Variants in LIN7A observed in about 807,000 individuals in gnomAD.
LIN7A encodes lin-7 cell polarity scaffold A, also known as protein lin-7 homolog A.
LIN7A carries 25 observed loss-of-function variants against 29.8 expected under a neutral mutation model. The ratio of observed to expected loss-of-function variants is 0.84; its 90% CI spans 0.61 to 1.17. The LOEUF is 1.17. Ranked by LOEUF, LIN7A falls within the 50% of genes most tolerant of loss-of-function variation. LIN7A has a pLI of 0.00. For synonymous variants in LIN7A, 118 were observed against 107.5 expected (o/e 1.10, Z -0.60); for missense variants, 239 against 287.0 (o/e 0.83, Z 1.21).
intron 1 of LIN7A, among the ~76,000 whole-genome samples, chr12:80,914,325 C>A: frequency 6.6e-6 from 1 of 152,280 alleles, no homozygotes; most frequent in African/African-American, 2.4e-5. Context: ...TTTTGTTTAA[C>A]CCAGTGTTTG....
chr12:80,928,973 G>T (rs952252799), intron 1 of LIN7A, among the ~76,000 whole-genome samples: 1 of 152,040 alleles, frequency 6.6e-6, no homozygotes, highest in African/African-American at 2.4e-5. Context: ...CCCTGCTAGG[G>T]TATGCTGTAT....
chr12:80,902,221 T>TG (rs1288954958), intron 1 of LIN7A, among the ~76,000 whole-genome samples: 60 of 151,006 alleles, frequency 4.0e-4, no homozygotes, highest in African/African-American at 9.0e-4. Flanking sequence ...CTATGTGTTT[T>TG]TTTTTTTTTT....
intron 1 of LIN7A, among the ~76,000 whole-genome samples, chr12:80,910,000 T>G (rs1876675983): frequency 6.6e-6 from 1 of 152,170 alleles, no homozygotes; most frequent in Non-Finnish European, 1.5e-5. Flanking sequence ...CTCTACAATA[T>G]TCAGTTTTCC....
intron 2 of LIN7A, among the ~76,000 whole-genome samples, chr12:80,881,420 A>AT (rs1412109375): frequency 6.6e-6 from 1 of 152,236 alleles, no homozygotes; most frequent in African/African-American, 2.4e-5. Flanking sequence ...ATTTTCATTA[A>AT]TTCTGATGAA....
intron 2 of LIN7A, among the ~76,000 whole-genome samples, chr12:80,851,335 A>C (rs1873320549): frequency 6.6e-6 from 1 of 151,890 alleles, no homozygotes; most frequent in Non-Finnish European, 1.5e-5. Context: ...TAGTGGAATG[A>C]ATCCAATATA....
chr12:80,937,879 C>G lies in LIN7A; in HGVS notation c.-157G>C, dbSNP rs1878337736. 1 of 498,398 alleles carries G rather than the reference C, an allele frequency of 2.0e-6. No individual in the cohort carries two copies. Among genetic ancestry groups the G allele is most frequent in the Admixed American group, 3.9e-5 (1 of 25,330 alleles). 30.9% of individuals were successfully genotyped at this position (498,398 alleles called of 1,614,324 possible). On this transcript the variant is annotated 5_prime_UTR_variant, in exon 1 of 6. Coordinates refer to ENST00000552864, the MANE Select transcript of LIN7A (RefSeq NM_004664.4). ...TAGCCAGATGGAGACGCAACTGTTC[C>G]GCGGCGGCAGATCTTCAGTTGCGGT... is the stretch of plus-strand genomic sequence containing the variant.
chr12:80,846,993 G>A (rs1353518494), intron 3 of LIN7A, among the ~76,000 whole-genome samples: 1 of 152,134 alleles, frequency 6.6e-6, no homozygotes, highest in African/African-American at 2.4e-5. Flanking sequence ...TCCACACACA[G>A]CATTATCACA....
intron 1 of LIN7A, among the ~76,000 whole-genome samples, chr12:80,934,818 G>C (rs771362134): frequency 7.9e-4 from 121 of 152,258 alleles, no homozygotes; most frequent in Non-Finnish European, 7.8e-4. Flanking sequence ...TATATATTCA[G>C]ATTTGCTGGG....
intron 3 of LIN7A, among the ~76,000 whole-genome samples, chr12:80,846,861 T>G (rs2121549026): frequency 6.6e-6 from 1 of 152,310 alleles, no homozygotes; most frequent in South Asian, 2.1e-4. Flanking sequence ...AAGAAATGAT[T>G]CTGTGCCTGC....
At chr12:80,917,998 T>C (rs184679860) in intron 1 of LIN7A, among the ~76,000 whole-genome samples, 4 of 152,296 alleles carry the variant, frequency 2.6e-5, no homozygotes, top group Admixed American at 2.6e-4. Context: ...CAGTATGCCT[T>C]GGCCTACAAT....
chr12:80,909,337 C>G (rs1230929084), intron 1 of LIN7A, among the ~76,000 whole-genome samples: 1 of 152,070 alleles, frequency 6.6e-6, no homozygotes, highest in Non-Finnish European at 1.5e-5. Flanking sequence ...AATACTTATA[C>G]CAAAAACCAC....
At chr12:80,814,835 T>C (rs557934304) in intron 4 of LIN7A, among the ~76,000 whole-genome samples, 21 of 152,322 alleles carry the variant, frequency 1.4e-4, no homozygotes, top group African/African-American at 4.3e-4. Flanking sequence ...AGATTCTCTT[T>C]AAGGCTCAAC....
At chr12:80,805,261 C>T (rs1053700965) in intron 5 of LIN7A, among the ~76,000 whole-genome samples, 5 of 152,072 alleles carry the variant, frequency 3.3e-5, no homozygotes, top group Admixed American at 2.6e-4. Flanking sequence ...TTGGAGTCAT[C>T]CCCTGGAACT....
intron 1 of LIN7A, among the ~76,000 whole-genome samples, chr12:80,921,545 C>G (rs1449361922): frequency 7.6e-6 from 1 of 131,778 alleles, no homozygotes; most frequent in Non-Finnish European, 1.6e-5. Context: ...CAAGTGAGCA[C>G]AAAGGCGTTG....
chr12:80,881,677 A>G (rs1875049265), intron 2 of LIN7A, among the ~76,000 whole-genome samples: 1 of 152,086 alleles, frequency 6.6e-6, no homozygotes. Flanking sequence ...GTTTGCTCTT[A>G]CTTAACCTAC....
chr12:80,877,545 T>G (rs1439319659), intron 2 of LIN7A, among the ~76,000 whole-genome samples: 1 of 151,832 alleles, frequency 6.6e-6, no homozygotes, highest in Non-Finnish European at 1.5e-5. Context: ...AAGGAAATAA[T>G]GAAAAAAGCT....
chr12:80,882,350 T>C (rs1167493404), intron 2 of LIN7A, among the ~76,000 whole-genome samples: 1 of 126,460 alleles, frequency 7.9e-6, no homozygotes, highest in Admixed American at 8.3e-5. Flanking sequence ...AGTGGCGGGA[T>C]CTCGGCTCAC....
intron 2 of LIN7A, among the ~76,000 whole-genome samples, chr12:80,873,491 C>T (rs1356670550): frequency 6.6e-6 from 1 of 150,788 alleles, no homozygotes; most frequent in African/African-American, 2.4e-5. Flanking sequence ...TATGATGACA[C>T]CACTGCACTC....
intron 2 of LIN7A, among the ~76,000 whole-genome samples, chr12:80,873,856 C>CTT (rs533172741): frequency 3.1e-5 from 4 of 129,480 alleles, no homozygotes; most frequent in Non-Finnish European, 5.0e-5. Flanking sequence ...TTTATGTTTG[C>CTT]TTTTTTTTTT....
Sources: allele counts gnomAD v4.1 joint callset (sites outside exome capture counted in the v4.1 genomes callset), GRCh38; gene constraint gnomAD v4.1.1; transcripts MANE v1.5; gene names NCBI Gene and HGNC (gene_info 2026-07-23, HGNC 2026-07-21).